The following COMMD10 variants were observed in gnomAD, a reference collection of about 807,000 sequenced individuals.
The protein encoded by COMMD10 is COMM domain containing 10.
Under a neutral mutation model 28.9 loss-of-function variants are expected in COMMD10, and 33 were observed. The observed-to-expected ratio is 1.14, with a 90% CI of 0.87 to 1.53. The LOEUF is 1.53. Ranked by LOEUF, COMMD10 falls within the 40% of genes most tolerant of loss-of-function variation. COMMD10 has a pLI of 0.00. For synonymous variants in COMMD10, 110 were observed against 81.7 expected (o/e 1.35, Z -1.87); for missense variants, 310 against 233.4 (o/e 1.33, Z -2.14).
intron 5 of COMMD10, among the ~76,000 whole-genome samples, chr5:116,220,707 A>ATTT (rs1426623185): frequency 2.6e-5 from 4 of 152,314 alleles, no homozygotes; most frequent in African/African-American, 9.6e-5. Flanking sequence ...CTGAAAAATT[A>ATTT]TGTTTCTAAA....
chr5:116,257,867 G>A (rs1750335362), intron 5 of COMMD10, among the ~76,000 whole-genome samples: 1 of 151,590 alleles, frequency 6.6e-6, no homozygotes, highest in Non-Finnish European at 1.5e-5. Flanking sequence ...TCTGAATTTT[G>A]GGAGAAGTAA....
At chr5:116,284,096 C>T (rs1400055892) in intron 5 of COMMD10, among the ~76,000 whole-genome samples, 1 of 151,860 alleles carries the variant, frequency 6.6e-6, no homozygotes, top group Non-Finnish European at 1.5e-5. Flanking sequence ...TATACCATTG[C>T]ACTCCAGCCT....
chr5:116,140,874 G>C (rs1001524174), intron 5 of COMMD10, among the ~76,000 whole-genome samples: 4 of 151,690 alleles, frequency 2.6e-5, no homozygotes, highest in Non-Finnish European at 5.9e-5. Context: ...TTTTCTTCCA[G>C]TCTGTAGGCT....
intron 5 of COMMD10, among the ~76,000 whole-genome samples, chr5:116,247,227 A>G (rs749726614): frequency 7.2e-5 from 11 of 152,086 alleles, no homozygotes; most frequent in Non-Finnish European, 1.3e-4. Flanking sequence ...AAAAAGCTCA[A>G]CATCACTGAT....
chr5:116,117,594 G>T (rs1312507828), intron 4 of COMMD10, among the ~76,000 whole-genome samples: 1 of 152,106 alleles, frequency 6.6e-6, no homozygotes, highest in Non-Finnish European at 1.5e-5. Context: ...CTCCCGAGTA[G>T]TTGGGATTAC....
Position 116,101,951 on chromosome 5 carries a change from T to C in COMMD10, c.399+9251T>C, listed in dbSNP as rs147526739. The stretch of plus-strand genomic sequence containing the variant: ...AGTTGTTTGGGTTTTTTGTACATTC[T>C]GGATATTGGTCCTCTGTCAGGTGCA... On this transcript the variant is annotated intron_variant, in intron 4 of 6. Coordinates refer to ENST00000274458, the MANE Select transcript of COMMD10 (RefSeq NM_016144.4). Among the ~76,000 whole-genome samples, 237 of 152,360 alleles carry C rather than the reference T, an allele frequency of 1.6e-3. 1 individual carries two copies. Among genetic ancestry groups the C allele is most frequent in the African/African-American group, 5.3e-3 (221 of 41,580 alleles).
intron 5 of COMMD10, among the ~76,000 whole-genome samples, chr5:116,277,435 G>A (rs1034765130): frequency 7.2e-5 from 11 of 151,788 alleles, no homozygotes; most frequent in Non-Finnish European, 1.6e-4. Flanking sequence ...CCTCATTAGA[G>A]GTTAAAATTT....
At chr5:116,186,645 C>A (rs1748147497) in intron 5 of COMMD10, among the ~76,000 whole-genome samples, 1 of 152,094 alleles carries the variant, frequency 6.6e-6, no homozygotes, top group African/African-American at 2.4e-5. Flanking sequence ...TCTCCCTGTG[C>A]CTTTTAATGT....
At chr5:116,191,398 A>G (rs1748367707) in intron 5 of COMMD10, among the ~76,000 whole-genome samples, 2 of 151,408 alleles carry the variant, frequency 1.3e-5, no homozygotes, top group South Asian at 2.1e-4. Context: ...GCCTGGGGCA[A>G]GTTTTCAAGC....
chr5:116,198,729 G>A (rs1413097466), intron 5 of COMMD10, among the ~76,000 whole-genome samples: 2 of 152,044 alleles, frequency 1.3e-5, no homozygotes, highest in Admixed American at 1.3e-4. Context: ...GTCTTCTCAG[G>A]TTTTCTTCTT....
intron 2 of COMMD10, 89 bp from the exon 3 acceptor site, chr5:116,090,990 T>A (rs1330849581): frequency 1.4e-6 from 1 of 700,714 alleles, no homozygotes; most frequent in Admixed American, 3.1e-5. Flanking sequence ...AGTTCTCATC[T>A]CATATACGAA....
chr5:116,220,934 G>C (rs6859703), intron 5 of COMMD10, among the ~76,000 whole-genome samples: 92,698 of 151,984 alleles, frequency 0.61, 31,541 homozygotes, highest in South Asian at 0.77. Context: ...ATCACTAGGT[G>C]AGGCTTGCTC....
At chr5:116,113,903 A>G (rs962655753) in intron 4 of COMMD10, among the ~76,000 whole-genome samples, 2 of 150,294 alleles carry the variant, frequency 1.3e-5, no homozygotes, top group Non-Finnish European at 1.5e-5. Flanking sequence ...ATCTGGAACA[A>G]TTGCTTTTTT....
At chr5:116,264,357 A>C (rs1750527011) in intron 5 of COMMD10, among the ~76,000 whole-genome samples, 1 of 151,864 alleles carries the variant, frequency 6.6e-6, no homozygotes. Context: ...TTTAGTAGTT[A>C]CAAAAATTAC....
chr5:116,194,131 A>T (rs778359619), intron 5 of COMMD10, among the ~76,000 whole-genome samples: 15 of 152,178 alleles, frequency 9.9e-5, no homozygotes, highest in Non-Finnish European at 1.8e-4. Context: ...AACAATAATG[A>T]CACAACCTAC....
intron 5 of COMMD10, among the ~76,000 whole-genome samples, chr5:116,188,022 G>A (rs879638634): frequency 1.6e-4 from 24 of 152,186 alleles, no homozygotes; most frequent in Admixed American, 3.3e-4. Context: ...ATCTTTAAGG[G>A]TGACCTAAAA....
chr5:116,147,473 A>T (rs1295911588), intron 5 of COMMD10, among the ~76,000 whole-genome samples: 1 of 151,910 alleles, frequency 6.6e-6, no homozygotes, highest in Non-Finnish European at 1.5e-5. Context: ...ATAGCAAATT[A>T]TACAGTATTT....
chr5:116,131,340 CT>C, intron 4 of COMMD10, among the ~76,000 whole-genome samples: 1 of 151,732 alleles, frequency 6.6e-6, no homozygotes, highest in South Asian at 2.1e-4. Flanking sequence ...TCTGGACATG[CT>C]TTGGCCTGCA....
chr5:116,285,162 AC>A (rs919316063), intron 5 of COMMD10, among the ~76,000 whole-genome samples: 3 of 151,936 alleles, frequency 2.0e-5, no homozygotes, highest in Non-Finnish European at 4.4e-5. Context: ...TATTTGTAAG[AC>A]CTGAAACAAG....
Sources: allele counts gnomAD v4.1 joint callset (sites outside exome capture counted in the v4.1 genomes callset), GRCh38; gene constraint gnomAD v4.1.1; transcripts MANE v1.5; gene names NCBI Gene and HGNC (gene_info 2026-07-23, HGNC 2026-07-21).